Variants in ESAM observed in about 807,000 individuals in gnomAD.
ESAM encodes endothelial cell adhesion molecule.
ESAM carries 23 observed loss-of-function variants against 31.8 expected under a neutral mutation model. The observed-to-expected ratio is 0.72, with a 90% confidence interval of 0.52 to 1.03. The LOEUF (loss-of-function observed/expected upper bound fraction) is 1.03, where lower values mean the gene tolerates loss of function less well. Among genes scored for constraint, ESAM ranks in the 50% least tolerant of loss-of-function variants. The probability of loss-of-function intolerance (pLI) is 0.00; values close to 1 mark genes in which losing one functional copy is unlikely to be tolerated. For missense variants in ESAM, 478 were observed against 488.9 expected (o/e 0.98, Z 0.21); for synonymous variants, 216 against 207.2 (o/e 1.04, Z -0.37).
In ESAM at chr11:124,754,385, T is replaced by A. The variant is rs765805021; in HGVS notation, c.731-45A>T. The A allele has an allele frequency of 2.5e-6, 4 of 1,602,548 alleles. No homozygotes were observed. Among genetic ancestry groups the A allele is most frequent in the Non-Finnish European group, 3.4e-6 (4 of 1,174,386 alleles). On this transcript the variant is annotated intron_variant, in intron 5 of 6. Coordinates refer to ENST00000278927, the MANE Select transcript of ESAM (RefSeq NM_138961.3). The surrounding 1 kb of genome is among the most constrained non-coding windows in gnomAD (Gnocchi z 4.5). Reference sequence around the variant, plus strand: ...AGAGGAGGACACCCAGCTGAGGGGTTCTCACCCCTCTCCAATCCCACTCTC... The same window carrying A: ...AGAGGAGGACACCCAGCTGAGGGGTACTCACCCCTCTCCAATCCCACTCTC...
In ESAM at chr11:124,762,218, C is replaced by A. The variant is rs1340394659; in HGVS notation, c.-64G>T. ...GCGGGACGCACGGACCTGCAGGTGC[C>A]GAGGCTGCGCGACGGCCGGAGCGTG... is the stretch of plus-strand genomic sequence containing the variant. On this transcript the variant is annotated 5_prime_UTR_variant, in exon 1 of 7. Transcript: ENST00000278927. This position sits in a 1 kb window ranked among gnomAD's most constrained non-coding sequence, Gnocchi z 6.4. The A allele has an allele frequency of 1.7e-5, 22 of 1,314,346 alleles. No homozygotes were observed. In the South Asian group the frequency reaches 2.7e-4, roughly 16 times the overall value. 81.4% of individuals were successfully genotyped at this position (1,314,346 alleles called of 1,614,324 possible).
intron 4 of ESAM, among the ~76,000 whole-genome samples, chr11:124,755,739 A>G (rs1944144705): frequency 6.6e-6 from 1 of 152,258 alleles, no homozygotes; most frequent in Non-Finnish European, 1.5e-5. Context: ...ACGTCGTTCC[A>G]TATGACCACA....
chr11:124,758,336 G>A lies in ESAM; in HGVS notation c.249+13C>T. 1.2e-6 allele frequency: 2 copies of A among 1,613,864 alleles called. No individual in the cohort carries two copies. The highest frequency in any genetic ancestry group is 1.7e-6 in the Non-Finnish European group (2 of 1,179,936). On this transcript the variant is annotated intron_variant, in intron 2 of 6. Coordinates refer to ENST00000278927, the MANE Select transcript of ESAM (RefSeq NM_138961.3). ...CGCAACTTGCCGCTGGCTGACAGGCGTTCTTCCCTCACCTGATCCTCCTTT... is the reference window on the plus strand; with the variant it reads ...CGCAACTTGCCGCTGGCTGACAGGCATTCTTCCCTCACCTGATCCTCCTTT...
intron 4 of ESAM, 101 bp downstream of exon 4, chr11:124,756,106 C>T (rs1944150003): frequency 1.3e-6 from 2 of 1,512,378 alleles, no homozygotes; most frequent in South Asian, 1.2e-5. Flanking sequence ...CTCCCCAGTG[C>T]TTGTCAGCCT....
Position 124,758,597 on chromosome 11 carries a change from C to A in ESAM, c.71-70G>T, listed in dbSNP as rs1019636142. On this transcript the variant is annotated intron_variant, in intron 1 of 6. Transcript: ENST00000278927. ...CTCCGCCCGCGGACCCTGCCCTACG[C>A]GGCTTCACCAGAGAGCGAGGAAAGT... 8.4e-6 allele frequency: 12 copies of A among 1,429,406 alleles called. No homozygotes were observed. The Admixed American group carries it at 1.5e-4, about 17-fold the overall frequency. 88.5% of individuals were successfully genotyped at this position (1,429,406 alleles called of 1,614,324 possible). A position where few individuals can be genotyped will look rare whatever the true frequency, so the allele number is the denominator to read the frequency against.
intron 1 of ESAM, among the ~76,000 whole-genome samples, chr11:124,758,759 G>A (rs982954949): frequency 6.6e-6 from 1 of 152,236 alleles, no homozygotes; most frequent in Non-Finnish European, 1.5e-5. Flanking sequence ...CAGTTGTAGC[G>A]GGGATGGGGA....
In ESAM at chr11:124,759,811, A is replaced by AG. The variant is rs1233859538; in HGVS notation, c.71-1285dup. Among the ~76,000 whole-genome samples the AG allele has an allele frequency of 3.3e-5, 5 of 152,096 alleles. No homozygotes were observed. The highest frequency in any genetic ancestry group is 2.1e-4 in the South Asian group (1 of 4,820). Reference sequence around the variant, plus strand: ...CCAGTGATAAGGCAGAAGACAATGAAGGGGGGGCCACTAGACCGGAGGCTC... The same window carrying AG: ...CCAGTGATAAGGCAGAAGACAATGAAGGGGGGGGCCACTAGACCGGAGGCTC... On this transcript the variant is annotated intron_variant, in intron 1 of 6. Transcript: ENST00000278927. The surrounding 1 kb of genome is among the most constrained non-coding windows in gnomAD (Gnocchi z 6.8).
At chr11:124,761,103 C>T (rs980749897) in intron 1 of ESAM, among the ~76,000 whole-genome samples, 6 of 152,176 alleles carry the variant, frequency 3.9e-5, no homozygotes, top group African/African-American at 1.4e-4. Context: ...GAATTTCACT[C>T]TACAGCTTCC....
In ESAM at chr11:124,753,793, C is replaced by T. The variant is rs1163013225; in HGVS notation, c.1026G>A (p.Leu342=). The T allele has an allele frequency of 4.3e-6, 7 of 1,613,408 alleles. No homozygotes were observed. Among genetic ancestry groups the T allele is most frequent in the East Asian group, 4.5e-5 (2 of 44,874 alleles). Reference sequence around the variant, plus strand: ...CTGTCGTGGGCAGTCTTGGTGAGGGCAGGGCCTGGCTGGAGAGACTGGGCG... The same window carrying T: ...CTGTCGTGGGCAGTCTTGGTGAGGGTAGGGCCTGGCTGGAGAGACTGGGCG... The part of the protein sequence containing the change: ...TPTPSLSSQA[L]PSPRLPTTDG... The change falls in exon 7 of 7, where the codon CTG becomes CTA. Residue 342 remains leucine, a synonymous_variant. Coordinates refer to ENST00000278927, the MANE Select transcript of ESAM (RefSeq NM_138961.3).
chr11:124,756,508 G>A (rs1287468262), intron 3 of ESAM, 33 bp downstream of exon 3: 14 of 1,609,780 alleles, frequency 8.7e-6, no homozygotes, highest in Non-Finnish European at 1.2e-5. Context: ...CAGTGCAGGT[G>A]GGGAGGGGTC....
At position 124,762,129 on chromosome 11, in the gene ESAM, A is replaced by T; in HGVS notation, c.26T>A (p.Val9Glu). 2 of 1,609,710 alleles carry T rather than the reference A, an allele frequency of 1.2e-6. No individual in the cohort carries two copies. Among genetic ancestry groups the T allele is most frequent in the Non-Finnish European group, 1.7e-6 (2 of 1,177,914 alleles). Residue 9 changes from valine to glutamate, a missense_variant, in exon 1 of 7, where the codon GTG (valine) becomes GAG (glutamate). By Grantham distance (121) the Val-to-Glu change is moderately radical. Transcript: ENST00000278927. The surrounding 1 kb of genome is among the most constrained non-coding windows in gnomAD (Gnocchi z 6.4). ...GAACAAAAACCGCAGCAAGTTGGTC[A>T]CCAGGGGCCCCGGGAGGGAAATCAT... Reference protein sequence around the residue: MISLPGPLVTNLLRFLFLG... With the variant: MISLPGPLETNLLRFLFLG...
chr11:124,760,234 G>T (rs1208304714), intron 1 of ESAM, among the ~76,000 whole-genome samples: 1 of 152,230 alleles, frequency 6.6e-6, no homozygotes, highest in East Asian at 1.9e-4. Context: ...GGTGTCTGCT[G>T]GCTCGGAAGT....
In ESAM at chr11:124,754,005, AAGG is replaced by A. The variant is rs763851980; in HGVS notation, c.858-47_858-45del. On this transcript the variant is annotated intron_variant, in intron 6 of 6. Coordinates refer to ENST00000278927, the MANE Select transcript of ESAM (RefSeq NM_138961.3). This position sits in a 1 kb window ranked among gnomAD's most constrained non-coding sequence, Gnocchi z 4.5. Reference sequence around the variant, plus strand: ...ACAAGAGGTCAGAAGTGGGTGGGGGAAGGAGGAGAGAGTTTCTACCTGCTTGGT... The same window carrying A: ...ACAAGAGGTCAGAAGTGGGTGGGGGAAGGAGAGAGTTTCTACCTGCTTGGT... The A allele has an allele frequency of 5.6e-5, 89 of 1,601,282 alleles. No homozygotes were observed. The highest frequency in any genetic ancestry group is 2.2e-4 in the South Asian group (20 of 89,540).
chr11:124,756,051 A>G (rs1944149062), intron 4 of ESAM, among the ~76,000 whole-genome samples, 156 bp downstream of exon 4: 1 of 152,212 alleles, frequency 6.6e-6, no homozygotes, highest in South Asian at 2.1e-4. Flanking sequence ...TGCCCCTGGC[A>G]GGGCATCTTT....
Position 124,762,174 on chromosome 11 carries a change from G to T in ESAM, c.-20C>A, listed in dbSNP as rs771448192. The T allele has an allele frequency of 6.9e-6, 11 of 1,591,324 alleles. No homozygotes were observed. In the African/African-American group the frequency reaches 1.4e-4, roughly 20 times the overall value. ...AATCATGGCCCTCCCTGGCCGGGAC[G>T]GAGTCAGGGGCGCCAGCCGCGGGAC... On this transcript the variant is annotated 5_prime_UTR_variant, in exon 1 of 7. Coordinates refer to ENST00000278927, the MANE Select transcript of ESAM (RefSeq NM_138961.3). The surrounding 1 kb of genome is among the most constrained non-coding windows in gnomAD (Gnocchi z 6.4).
At chr11:124,758,050 C>T (rs923997970) in intron 2 of ESAM, among the ~76,000 whole-genome samples, 26 of 152,112 alleles carry the variant, frequency 1.7e-4, no homozygotes, top group Admixed American at 4.6e-4. Context: ...CTAAGCGTTT[C>T]CCAGTCCTCA....
In ESAM at chr11:124,754,006, A is replaced by C; in HGVS notation, c.858-45T>G. On this transcript the variant is annotated intron_variant, in intron 6 of 6. Coordinates refer to ENST00000278927, the MANE Select transcript of ESAM (RefSeq NM_138961.3). This position sits in a 1 kb window ranked among gnomAD's most constrained non-coding sequence, Gnocchi z 4.5. ...CAAGAGGTCAGAAGTGGGTGGGGGA[A>C]GGAGGAGAGAGTTTCTACCTGCTTG... The C allele has an allele frequency of 6.2e-7, 1 of 1,600,154 alleles. No individual in the cohort carries two copies. Among genetic ancestry groups the C allele is most frequent in the Non-Finnish European group, 8.5e-7 (1 of 1,173,298 alleles).
At chr11:124,757,844 G>A (rs1163269325) in intron 2 of ESAM, among the ~76,000 whole-genome samples, 1 of 151,788 alleles carries the variant, frequency 6.6e-6, no homozygotes, top group African/African-American at 2.4e-5. Flanking sequence ...ATTACAGGCG[G>A]GTGCCACCAT....
intron 2 of ESAM, 46 bp downstream of exon 2, chr11:124,758,303 C>T (rs1944180723): frequency 1.2e-6 from 2 of 1,612,572 alleles, no homozygotes; most frequent in Non-Finnish European, 1.7e-6. Context: ...CTTACAACCC[C>T]CTCTGGGCGC....
Sources: gnomAD v4.1 joint callset for allele counts (sites outside exome capture counted in the v4.1 genomes callset) on GRCh38, gnomAD v4.1.1 for gene constraint, Gnocchi (gnomAD v3.1) non-coding constraint, MANE v1.5 for transcripts, NCBI Gene and HGNC (gene_info 2026-07-23, HGNC 2026-07-21) for gene names.